The following KCNIP4 variants were observed in gnomAD, a reference collection of about 807,000 sequenced individuals.
The protein encoded by KCNIP4 is Kv channel-interacting protein 4.
KCNIP4 carries 12 observed loss-of-function variants against 34.0 expected under a neutral mutation model. The observed-to-expected ratio is 0.35, with a 90% CI of 0.23 to 0.57. The LOEUF (loss-of-function observed/expected upper bound fraction) is 0.57, where lower values mean the gene tolerates loss of function less well. Among genes scored for constraint, KCNIP4 ranks in the 20% least tolerant of loss-of-function variants. KCNIP4 has a pLI of 0.83. For synonymous variants in KCNIP4, 124 were observed against 102.2 expected, an observed-to-expected ratio of 1.21 and a Z score of -1.29; for missense variants, 238 against 311.7, an observed-to-expected ratio of 0.76 and a Z score of 1.78.
chr4:21,646,301 T>C (rs750224248), intron 1 of KCNIP4, among the ~76,000 whole-genome samples: 52 of 152,194 alleles, frequency 3.4e-4, no homozygotes, highest in Non-Finnish European at 7.1e-4. Flanking sequence ...AATAACATCA[T>C]ATCCAATCAA....
chr4:20,770,695 A>T (rs1357110028), intron 3 of KCNIP4, among the ~76,000 whole-genome samples: 17 of 152,148 alleles, frequency 1.1e-4, no homozygotes, highest in Admixed American at 1.1e-3. Flanking sequence ...GAACTTTGGG[A>T]GGCTGAAGTG....
intron 1 of KCNIP4, among the ~76,000 whole-genome samples, chr4:21,044,314 A>ATT: frequency 6.7e-6 from 1 of 148,702 alleles, no homozygotes; most frequent in South Asian, 2.1e-4. Context: ...TTCCCCCACA[A>ATT]TTTTTTTTTT....
chr4:21,772,592 T>C (rs1213662855), intron 1 of KCNIP4, among the ~76,000 whole-genome samples: 1 of 152,120 alleles, frequency 6.6e-6, no homozygotes, highest in African/African-American at 2.4e-5. Flanking sequence ...AATTACCGCC[T>C]CAATTTTAGA....
At chr4:20,938,620 C>T (rs946263082) in intron 1 of KCNIP4, among the ~76,000 whole-genome samples, 11 of 152,190 alleles carry the variant, frequency 7.2e-5, no homozygotes, top group African/African-American at 1.9e-4. Context: ...CTCTAAACTG[C>T]CTAGACTGAG....
In KCNIP4 at chr4:21,934,422, C is replaced by T. The variant is rs79018955; in HGVS notation, c.61+14149G>A. 8.7e-4 allele frequency among the ~76,000 whole-genome samples: 133 copies of T among 152,194 alleles called. 4 individuals carry two copies. The East Asian group carries it at 0.024, about 28-fold the overall frequency. On this transcript the variant is annotated intron_variant, in intron 1 of 8. Transcript: ENST00000382152. ...CCACAAACCTAAGTACTAAGGTTTC[C>T]TCTTCCCATGTAATCACTTCCCACC...
At chr4:20,922,519 G>T (rs958345655) in intron 1 of KCNIP4, among the ~76,000 whole-genome samples, 8 of 79,820 alleles carry the variant, frequency 1.0e-4, no homozygotes, top group Non-Finnish European at 1.5e-4. Flanking sequence ...TAGTGTGACT[G>T]TCTGTCTGTC....
At chr4:21,661,568 T>C (rs1748455571) in intron 1 of KCNIP4, among the ~76,000 whole-genome samples, 1 of 152,174 alleles carries the variant, frequency 6.6e-6, no homozygotes, top group African/African-American at 2.4e-5. Context: ...CATTTCAATT[T>C]GAATAGCAAT....
At chr4:20,771,351 C>A (rs528738856) in intron 3 of KCNIP4, among the ~76,000 whole-genome samples, 1 of 152,248 alleles carries the variant, frequency 6.6e-6, no homozygotes, top group East Asian at 1.9e-4. Context: ...TTTCTGGACT[C>A]CTTATGTGAG....
At chr4:21,817,281 T>C (rs1467069518) in intron 1 of KCNIP4, among the ~76,000 whole-genome samples, 2 of 152,176 alleles carry the variant, frequency 1.3e-5, no homozygotes, top group Non-Finnish European at 2.9e-5. Context: ...TCCCAAATAA[T>C]ACTTTTATAA....
At chr4:21,621,346 CA>C (rs1007414759) in intron 1 of KCNIP4, among the ~76,000 whole-genome samples, 2 of 152,122 alleles carry the variant, frequency 1.3e-5, no homozygotes, top group African/African-American at 4.8e-5. Context: ...GAAAATGTGT[CA>C]TAATTTTGCC....
chr4:21,205,350 T>C (rs559739470), intron 1 of KCNIP4, among the ~76,000 whole-genome samples: 172 of 152,316 alleles, frequency 1.1e-3, no homozygotes, highest in Non-Finnish European at 2.1e-3. Flanking sequence ...GATCCCAAGG[T>C]ATAACATGAC....
At chr4:21,815,089 GTT>G (rs1482940520) in intron 1 of KCNIP4, among the ~76,000 whole-genome samples, 5 of 152,108 alleles carry the variant, frequency 3.3e-5, no homozygotes, top group African/African-American at 1.2e-4. Context: ...TCATTTGAAA[GTT>G]ATATAAGGAA....
chr4:21,274,872 G>A (rs1157450178), intron 1 of KCNIP4, among the ~76,000 whole-genome samples: 1 of 139,708 alleles, frequency 7.2e-6, no homozygotes, highest in Non-Finnish European at 1.6e-5. Context: ...TATGAAGATT[G>A]TTAATTTGAT....
At chr4:21,869,099 T>C (rs1181032774) in intron 1 of KCNIP4, among the ~76,000 whole-genome samples, 6 of 152,260 alleles carry the variant, frequency 3.9e-5, no homozygotes, top group African/African-American at 1.4e-4. Flanking sequence ...TCCAAGCAAC[T>C]TGACCCCATT....
rs1491541435 is a variant in KCNIP4 at position 21,151,405 on chromosome 4, A to ATTTTTTTTTTTTTTTTTT, written c.62-268697_62-268696insAAAAAAAAAAAAAAAAAA. 2.2e-4 allele frequency among the ~76,000 whole-genome samples: 21 copies of ATTTTTTTTTTTTTTTTTT among 93,512 alleles called. 9 individuals carry two copies. The highest frequency in any genetic ancestry group is 2.0e-4 in the African/African-American group (5 of 24,702). 61.3% of individuals were successfully genotyped at this position (93,512 alleles called of 152,430 possible). On this transcript the variant is annotated intron_variant, in intron 1 of 8. Transcript: ENST00000382152. ...AGAATGGATGTCTTCAACAAAAGAC[A>ATTTTTTTTTTTTTTTTTT]ATTTTTTTTTTTTTTTTTTTTTTTT...
intron 1 of KCNIP4, among the ~76,000 whole-genome samples, chr4:21,746,914 A>G (rs1000457703): frequency 6.6e-6 from 1 of 152,146 alleles, no homozygotes; most frequent in Non-Finnish European, 1.5e-5. Flanking sequence ...AGATAACACA[A>G]TTGTTTGTTG....
chr4:20,754,939 C>G (rs1478370919), intron 4 of KCNIP4, among the ~76,000 whole-genome samples: 1 of 152,106 alleles, frequency 6.6e-6, no homozygotes, highest in Non-Finnish European at 1.5e-5. Flanking sequence ...TTGGTAGGCA[C>G]TCAGATAGTA....
At chr4:20,933,753 A>AAG (rs1202584782) in intron 1 of KCNIP4, among the ~76,000 whole-genome samples, 27 of 151,820 alleles carry the variant, frequency 1.8e-4, no homozygotes, top group Admixed American at 1.7e-3. Flanking sequence ...AAAAAAAAAA[A>AAG]AAGAAAGAAA....
chr4:21,890,320 C>G (rs1340856123), intron 1 of KCNIP4, among the ~76,000 whole-genome samples: 2 of 152,168 alleles, frequency 1.3e-5, no homozygotes, highest in African/African-American at 4.8e-5. Flanking sequence ...GACCACATCC[C>G]CAGCATAATT....
Sources: gnomAD v4.1 joint callset for allele counts (sites outside exome capture counted in the v4.1 genomes callset) on GRCh38, gnomAD v4.1.1 for gene constraint, MANE v1.5 for transcripts, NCBI Gene and HGNC (gene_info 2026-07-23, HGNC 2026-07-21) for gene names.